FGGY: variants seen among roughly 807,000 people sequenced by gnomAD.
FGGY encodes FGGY carbohydrate kinase domain-containing protein.
FGGY carries 72 observed loss-of-function variants against 71.3 expected under a neutral mutation model. The ratio of observed to expected loss-of-function variants is 1.01; its 90% CI spans 0.84 to 1.23. The LOEUF is 1.23. FGGY is among the 50% of genes most tolerant of loss of function. The pLI, the probability that FGGY is intolerant of heterozygous loss-of-function variation, is 0.00. For synonymous variants in FGGY, 251 were observed against 250.3 expected (o/e 1.00, Z -0.02); for missense variants, 668 against 682.3 (o/e 0.98, Z 0.23).
chr1:59,369,536 C>G (rs371577509), intron 4 of FGGY, among the ~76,000 whole-genome samples: 3,470 of 152,246 alleles, frequency 0.023, 143 homozygotes, highest in African/African-American at 0.079. Context: ...AAATGTCCCT[C>G]TCTGACAGCT....
At chr1:59,639,255 A>G (rs111940567) in intron 11 of FGGY, among the ~76,000 whole-genome samples, 1 of 152,240 alleles carries the variant, frequency 6.6e-6, no homozygotes, top group Non-Finnish European at 1.5e-5. Context: ...TCAAGACTCA[A>G]ACTACTACAA....
intron 5 of FGGY, among the ~76,000 whole-genome samples, chr1:59,445,718 T>C (rs1356952269): frequency 6.6e-6 from 1 of 152,206 alleles, no homozygotes; most frequent in Non-Finnish European, 1.5e-5. Context: ...TCTGTTTTAT[T>C]TTCATATTTT....
intron 3 of FGGY, among the ~76,000 whole-genome samples, chr1:59,341,004 G>C (rs904821982): frequency 6.6e-6 from 1 of 152,200 alleles, no homozygotes; most frequent in Non-Finnish European, 1.5e-5. Context: ...TTTGGGGCTA[G>C]ATTCTGTTAG....
intron 2 of FGGY, among the ~76,000 whole-genome samples, chr1:59,335,057 G>A (rs571755765): frequency 8.6e-5 from 13 of 151,796 alleles, no homozygotes; most frequent in Admixed American, 3.9e-4. Flanking sequence ...AGCTCAACTC[G>A]TTTTAAAAGT....
chr1:59,394,612 G>T (rs1331825345), intron 5 of FGGY, among the ~76,000 whole-genome samples: 1 of 152,044 alleles, frequency 6.6e-6, no homozygotes, highest in African/African-American at 2.4e-5. Context: ...TTTATTATTT[G>T]TTGCTGGCGT....
chr1:59,390,724 A>C (rs947846445), intron 5 of FGGY, among the ~76,000 whole-genome samples: 1 of 152,178 alleles, frequency 6.6e-6, no homozygotes, highest in African/African-American at 2.4e-5. Flanking sequence ...GGGGTGGGTA[A>C]AAAGACACTC....
chr1:59,611,274 G>T (rs529200108), intron 9 of FGGY, among the ~76,000 whole-genome samples: 15 of 152,282 alleles, frequency 9.9e-5, no homozygotes, highest in African/African-American at 3.4e-4. Context: ...AGTAGGGGCC[G>T]ACTGACACCT....
At chr1:59,617,796 G>A (rs2096770926) in intron 9 of FGGY, among the ~76,000 whole-genome samples, 1 of 152,026 alleles carries the variant, frequency 6.6e-6, no homozygotes, top group Non-Finnish European at 1.5e-5. Context: ...CTGCTATGGT[G>A]GCATTGACTT....
intron 5 of FGGY, among the ~76,000 whole-genome samples, chr1:59,380,050 G>T (rs1280530354): frequency 2.6e-5 from 4 of 152,014 alleles, no homozygotes; most frequent in Admixed American, 1.3e-4. Flanking sequence ...GCAGTGTCTG[G>T]TTTTTTGTCC....
At chr1:59,426,824 A>G (rs936187813) in intron 5 of FGGY, among the ~76,000 whole-genome samples, 1 of 151,688 alleles carries the variant, frequency 6.6e-6, no homozygotes, top group Non-Finnish European at 1.5e-5. Flanking sequence ...AGATGGTTGT[A>G]GCAATCTAAG....
chr1:59,335,679 G>A (rs11588090), intron 2 of FGGY, among the ~76,000 whole-genome samples: 29,043 of 152,014 alleles, frequency 0.19, 3,352 homozygotes, highest in East Asian at 0.35. Flanking sequence ...CTAACACTTG[G>A]TATTGTCAGT....
At chr1:59,439,372 C>G (rs1158572522) in intron 5 of FGGY, among the ~76,000 whole-genome samples, 1 of 152,082 alleles carries the variant, frequency 6.6e-6, no homozygotes, top group South Asian at 2.1e-4. Flanking sequence ...GTACTTTTGT[C>G]GAGACTGAAG....
intron 4 of FGGY, among the ~76,000 whole-genome samples, chr1:59,374,276 T>G (rs1192300355): frequency 6.6e-6 from 1 of 152,168 alleles, no homozygotes. Context: ...AAGAAGACAT[T>G]TATGCAGCCA....
chr1:59,351,326 T>G (rs558623089), intron 4 of FGGY, among the ~76,000 whole-genome samples: 7 of 152,352 alleles, frequency 4.6e-5, no homozygotes, highest in Admixed American at 4.6e-4. Context: ...TGTTCTTCCC[T>G]CTACTCACTG....
At chr1:59,542,388 G>A (rs576928732) in intron 7 of FGGY, among the ~76,000 whole-genome samples, 1 of 151,366 alleles carries the variant, frequency 6.6e-6, no homozygotes, top group African/African-American at 2.4e-5. Flanking sequence ...CTATTAATCA[G>A]GGCTGAACGT....
intron 14 of FGGY, among the ~76,000 whole-genome samples, chr1:59,699,614 A>G (rs1558838743): frequency 6.6e-6 from 1 of 152,222 alleles, no homozygotes; most frequent in East Asian, 1.9e-4. Context: ...TGCAAACAAA[A>G]AAAGGAGGTA....
At chr1:59,641,158 A>C in intron 11 of FGGY, 1 of 666,300 alleles carries the variant, frequency 1.5e-6, no homozygotes, top group Non-Finnish European at 2.6e-6. Context: ...TCTAGAGGGA[A>C]GAGAGCATGG....
At chr1:59,660,887 G>A (rs2097267604) in intron 12 of FGGY, among the ~76,000 whole-genome samples, 1 of 152,154 alleles carries the variant, frequency 6.6e-6, no homozygotes, top group Non-Finnish European at 1.5e-5. Context: ...TCTAGAGGTG[G>A]CTATGGATGG....
In FGGY at chr1:59,336,151, A is replaced by G. The variant is rs74500184; in HGVS notation, c.202-3807A>G. ...TTAGGGATGTGATATGTTTTGAGTT[A>G]AGTTTTGTGTATGGTGTGAGGTAAG... is the stretch of plus-strand genomic sequence containing the variant. On this transcript the variant is annotated intron_variant, in intron 2 of 15. Transcript: ENST00000303721. Among the ~76,000 whole-genome samples, 14 of 152,176 alleles carry G rather than the reference A, an allele frequency of 9.2e-5. No individual in the cohort carries two copies. The East Asian group carries it at 2.5e-3, about 27-fold the overall frequency.
Sources: allele counts gnomAD v4.1 joint callset (sites outside exome capture counted in the v4.1 genomes callset), GRCh38; gene constraint gnomAD v4.1.1; transcripts MANE v1.5; gene names NCBI Gene and HGNC (gene_info 2026-07-23, HGNC 2026-07-21).